The following ABCC10 variants were observed in gnomAD, a reference collection of about 807,000 sequenced individuals.
The protein encoded by ABCC10 is ATP binding cassette subfamily C member 10.
Under a neutral mutation model 143.2 loss-of-function variants are expected in ABCC10, and 110 were observed. The ratio of observed to expected loss-of-function variants is 0.77; its 90% confidence interval spans 0.66 to 0.90. The LOEUF (loss-of-function observed/expected upper bound fraction) is 0.90, where lower values mean the gene tolerates loss of function less well. Ranked by LOEUF, ABCC10 falls within the 40% of genes least tolerant of loss-of-function variation. ABCC10 has a pLI of 0.00. For synonymous variants in ABCC10, 805 were observed against 846.7 expected, an observed-to-expected ratio of 0.95 and a Z score of 0.85; for missense variants, 1,700 against 1,900.5, an observed-to-expected ratio of 0.89 and a Z score of 1.96.
chr6:43,450,118 TC>T lies in ABCC10; in HGVS notation c.*31del, dbSNP rs1325818692. 6.4e-7 allele frequency: 1 copy of T among 1,563,820 alleles called. No individual in the cohort carries two copies. The highest frequency in any genetic ancestry group is 1.8e-5 in the Admixed American group (1 of 56,070). On this transcript the variant is annotated 3_prime_UTR_variant, in exon 22 of 22. Coordinates refer to ENST00000372530, the MANE Select transcript of ABCC10 (RefSeq NM_001198934.2). This position sits in a 1 kb window ranked among gnomAD's most constrained non-coding sequence, Gnocchi z 4.5. ...CCCAATCCCACACCCTGCAGAGTTC[TC>T]CCCTCTCTCTGATCCAGGCCGGGCC...
intron 11 of ABCC10, 63 bp from the exon 12 acceptor site, chr6:43,444,096 A>G: frequency 1.4e-5 from 23 of 1,610,208 alleles, no homozygotes; most frequent in Non-Finnish European, 2.0e-5. Flanking sequence ...GCTCCTCTGA[A>G]ATACTGAGTT....
chr6:43,450,242 G>T lies in ABCC10; in HGVS notation c.*151G>T, dbSNP rs1353681665. On this transcript the variant is annotated 3_prime_UTR_variant, in exon 22 of 22. Transcript: ENST00000372530. The surrounding 1 kb of genome is among the most constrained non-coding windows in gnomAD (Gnocchi z 4.5). ...AAAGGGCACCCTGGATTACTCTTTG[G>T]AAATCACTCCTTGGTGGGCAGCATC... The T allele has an allele frequency of 5.9e-6, 6 of 1,022,260 alleles. No individual in the cohort carries two copies. The East Asian group carries it at 1.6e-4, about 28-fold the overall frequency. 63.3% of individuals were successfully genotyped at this position (1,022,260 alleles called of 1,614,324 possible). A position where few individuals can be genotyped will look rare whatever the true frequency, so the allele number is the denominator to read the frequency against.
rs1281406513 is a variant in ABCC10, at chr6:43,444,376, C to T, written c.2689+23C>T. Reference sequence around the variant, plus strand: ...AAGGTGAGAGCGTGCCTGGGAGTCTCTTACATCGTAACGGCTGTGCTGTCT... The same window carrying T: ...AAGGTGAGAGCGTGCCTGGGAGTCTTTTACATCGTAACGGCTGTGCTGTCT... On this transcript the variant is annotated intron_variant, in intron 12 of 21. Coordinates refer to ENST00000372530, the MANE Select transcript of ABCC10 (RefSeq NM_001198934.2). The T allele has an allele frequency of 3.2e-6, 5 of 1,578,970 alleles. No individual in the cohort carries two copies. The South Asian group carries it at 5.8e-5, about 18-fold the overall frequency.
In ABCC10 at chr6:43,432,670, A is replaced by G; in HGVS notation, c.690A>G (p.Ala230=). 6.2e-7 allele frequency: 1 copy of G among 1,613,826 alleles called. No individual in the cohort carries two copies. Among genetic ancestry groups the G allele is most frequent in the Non-Finnish European group, 8.5e-7 (1 of 1,179,982 alleles). Residue 230 remains alanine (A), a synonymous_variant, in exon 3 of 22, where the codon GCA becomes GCG. Coordinates refer to ENST00000372530, the MANE Select transcript of ABCC10 (RefSeq NM_001198934.2). The part of the protein sequence containing the change: ...WLSRFSYAWL[A]PLLARGACGE... ...CACGCTTTTCCTATGCCTGGCTGGC[A>G]CCCTTGCTGGCCCGTGGGGCCTGTG... is the stretch of plus-strand genomic sequence containing the variant.
rs374188873 is a variant in ABCC10 at position 43,445,238 on chromosome 6, G to A, written c.2954G>A (p.Arg985Gln). Reference protein sequence around the residue: ...AGVNSLCTLLRAVLFAAGTLQ... With the variant: ...AGVNSLCTLLQAVLFAAGTLQ... ...GTAAATTCCCTCTGCACCCTTCTCCGGGCAGTGCTCTTTGCAGCAGGCACC... is the reference window on the plus strand; with the variant it reads ...GTAAATTCCCTCTGCACCCTTCTCCAGGCAGTGCTCTTTGCAGCAGGCACC... The change falls in exon 14 of 22, where the codon CGG becomes CAG. Residue 985 changes from arginine (R) to glutamine (Q), a missense_variant. Coordinates refer to ENST00000372530, the MANE Select transcript of ABCC10 (RefSeq NM_001198934.2). The A allele has an allele frequency of 1.5e-5, 24 of 1,613,854 alleles. No individual in the cohort carries two copies. Among genetic ancestry groups the A allele is most frequent in the South Asian group, 3.3e-5 (3 of 91,072 alleles).
chr6:43,431,126 T>C (rs1027293458), intron 2 of ABCC10, among the ~76,000 whole-genome samples: 1 of 152,200 alleles, frequency 6.6e-6, no homozygotes, highest in African/African-American at 2.4e-5. Context: ...TATTTTTCTT[T>C]AGCTAAAGGA....
chr6:43,443,017 A>C lies in ABCC10; in HGVS notation c.2274A>C (p.Ala758=). 9 of 1,611,594 alleles carry C rather than the reference A, an allele frequency of 5.6e-6. No individual in the cohort carries two copies. In the African/African-American group the frequency reaches 6.7e-5, roughly 12 times the overall value. ...LLDDPLAAVD[A]DVANHLLHRC... is the part of the protein sequence containing the mutation. ...ATGACCCTCTGGCCGCTGTGGATGCAGATGTGGCCAACCACCTGCTGCACA... is the reference window on the plus strand; with the variant it reads ...ATGACCCTCTGGCCGCTGTGGATGCCGATGTGGCCAACCACCTGCTGCACA... The change falls in exon 10 of 22, where the codon GCA becomes GCC. Residue 758 remains alanine, a synonymous_variant. Coordinates refer to ENST00000372530, the MANE Select transcript of ABCC10 (RefSeq NM_001198934.2). This position sits in a 1 kb window ranked among gnomAD's most constrained non-coding sequence, Gnocchi z 4.2.
At chr6:43,447,631 C>T (rs1783247358) in intron 17 of ABCC10, 53 bp from the exon 18 acceptor site, 3 of 1,605,764 alleles carry the variant, frequency 1.9e-6, no homozygotes, top group Non-Finnish European at 2.6e-6. Flanking sequence ...CATCGCTCCT[C>T]ATCTCCCCTA....
chr6:43,449,156 G>A lies in ABCC10; in HGVS notation c.4155G>A (p.Gly1385=). Residue 1385 remains glycine (G), a synonymous_variant, in exon 20 of 22, where the codon GGG becomes GGA. Transcript: ENST00000372530. ...LGEGGRSLSL[G]QRQLLCLARA... is the part of the protein sequence containing the mutation. ...AGGGGGGCCGGAGCTTATCTCTTGG[G>A]CAGAGGCAGCTGTTGTGTTTGGCCA... 6.2e-7 allele frequency: 1 copy of A among 1,614,180 alleles called. No individual in the cohort carries two copies. The highest frequency in any genetic ancestry group is 1.1e-5 in the South Asian group (1 of 91,080).
intron 9 of ABCC10, among the ~76,000 whole-genome samples, chr6:43,442,565 C>G (rs975199420): frequency 3.3e-5 from 5 of 151,968 alleles, no homozygotes; most frequent in Middle Eastern, 3.4e-3. Flanking sequence ...GAATGAAACC[C>G]TGTCTCCAAA....
In ABCC10 at chr6:43,432,887, C is replaced by T. The variant is rs1012826581; in HGVS notation, c.907C>T (p.Pro303Ser). ...GGGGACCATGTTGGGATTCTCAGGG[C>T]CCCTGTTGCTCTCCCTACTGGTGGG... The part of the protein sequence containing the change: ...LVGTMLGFSG[P>S]LLLSLLVGFL... The change falls in exon 3 of 22, where the codon CCC (proline) becomes TCC (serine). Residue 303 changes from proline (P) to serine (S), a missense_variant. Physicochemically the swap from Pro to Ser is moderately conservative, Grantham distance 74 (BLOSUM62 -1). Transcript: ENST00000372530. 2 of 1,614,130 alleles carry T rather than the reference C, an allele frequency of 1.2e-6. No individual in the cohort carries two copies. The highest frequency in any genetic ancestry group is 1.7e-5 in the Admixed American group (1 of 60,010).
intron 9 of ABCC10, 143 bp from the exon 10 acceptor site, chr6:43,442,827 T>C: frequency 2.9e-6 from 2 of 698,548 alleles, no homozygotes; most frequent in Non-Finnish European, 4.5e-6. Flanking sequence ...TGAAGGGATG[T>C]CCACCCTCAG....
In ABCC10 at chr6:43,441,931, C is replaced by T. The variant is rs369994656; in HGVS notation, c.2197C>T (p.Arg733Trp). 8.7e-6 allele frequency: 14 copies of T among 1,613,714 alleles called. No homozygotes were observed. The highest frequency in any genetic ancestry group is 6.7e-5 in the African/African-American group (5 of 74,912). Residue 733 changes from arginine to tryptophan, a missense_variant, in exon 9 of 22, where the codon CGG becomes TGG. By Grantham distance (101) the Arg-to-Trp change is moderately radical. Transcript: ENST00000372530. ...CACCCTTAGCGGAGGACAGCGTGCC[C>T]GGATTGCCCTTGCTCGTGCTGTCTA... ...GVTLSGGQRA[R>W]IALARAVYQE...
rs1782202887 is a variant in ABCC10 at position 43,440,063 on chromosome 6, T to C, written c.2127+1268T>C. Among the ~76,000 whole-genome samples, 3 of 152,066 alleles carry C rather than the reference T, an allele frequency of 2.0e-5. No homozygotes were observed. In the South Asian group the frequency reaches 6.2e-4, roughly 32 times the overall value. Reference sequence around the variant, plus strand: ...CCTTTGCCGCTCGGGTTCAAGTAATTCTCTTGCCTCAGCCTCCTGAGTAGC... The same window carrying C: ...CCTTTGCCGCTCGGGTTCAAGTAATCCTCTTGCCTCAGCCTCCTGAGTAGC... On this transcript the variant is annotated intron_variant, in intron 8 of 21. Transcript: ENST00000372530.
Position 43,443,000 on chromosome 6 carries a change from C to G in ABCC10, c.2257C>G (p.Leu753Val), listed in dbSNP as rs1196822425. 1.2e-6 allele frequency: 2 copies of G among 1,607,006 alleles called. No individual in the cohort carries two copies. The highest frequency in any genetic ancestry group is 2.7e-5 in the African/African-American group (2 of 74,724). ...EKELYLLDDP[L>V]AAVDADVANH... ...GGAGCTCTATCTCCTCGATGACCCT[C>G]TGGCCGCTGTGGATGCAGATGTGGC... Residue 753 changes from leucine (L) to valine (V), a missense_variant, in exon 10 of 22, where the codon CTG becomes GTG. Leu to Val is a conservative substitution (Grantham distance 32). Coordinates refer to ENST00000372530, the MANE Select transcript of ABCC10 (RefSeq NM_001198934.2).
Position 43,432,351 on chromosome 6 carries a change from A to T in ABCC10, c.371A>T (p.His124Leu). 1 of 1,613,776 alleles carries T rather than the reference A, an allele frequency of 6.2e-7. No homozygotes were observed. ...AGCCTGGCCCTGTGGGTGTTGGCAC[A>T]TTCCCCTCATGGCCACTCCCGGGGT... is the stretch of plus-strand genomic sequence containing the variant. ...SHSLALWVLA[H>L]SPHGHSRGPL... Residue 124 changes from histidine to leucine, a missense_variant, in exon 3 of 22, where the codon CAT becomes CTT. By Grantham distance (99) the His-to-Leu change is moderately conservative (BLOSUM62 -3). Coordinates refer to ENST00000372530, the MANE Select transcript of ABCC10 (RefSeq NM_001198934.2).
In ABCC10 at chr6:43,434,528, G is replaced by C. The variant is rs1296479717; in HGVS notation, c.1381-93G>C. On this transcript the variant is annotated intron_variant, in intron 3 of 21. Transcript: ENST00000372530. ...AGAGTATCTGGGAGCTTAGAGTACT[G>C]AACATTCTGCCAGCAGCCTGGGGAA... The C allele has an allele frequency of 3.3e-6, 4 of 1,216,504 alleles. No homozygotes were observed. In the East Asian group the frequency reaches 9.3e-5, roughly 28 times the overall value. 75.4% of individuals were successfully genotyped at this position (1,216,504 alleles called of 1,614,324 possible).
At chr6:43,436,323 C>G (rs925662221) in intron 6 of ABCC10, 76 bp downstream of exon 6, 3 of 1,531,852 alleles carry the variant, frequency 2.0e-6, no homozygotes, top group African/African-American at 1.4e-5. Flanking sequence ...GAAGCAGTGA[C>G]CGAGCCAATC....
At chr6:43,427,902 G>T (rs1429131193) in intron 1 of ABCC10, 66 bp from the exon 2 acceptor site, 2 of 1,576,526 alleles carry the variant, frequency 1.3e-6, no homozygotes, top group African/African-American at 2.7e-5. Flanking sequence ...AGGGAGACCC[G>T]GCTGGGAAGT....
Sources: gnomAD v4.1 joint callset for allele counts (sites outside exome capture counted in the v4.1 genomes callset) on GRCh38, gnomAD v4.1.1 for gene constraint, Gnocchi (gnomAD v3.1) non-coding constraint, MANE v1.5 for transcripts, NCBI Gene and HGNC (gene_info 2026-07-23, HGNC 2026-07-21) for gene names.